Variants in GPRC6A observed in about 807,000 individuals in gnomAD.
The protein encoded by GPRC6A is G protein-coupled receptor class C group 6 member A.
Under a neutral mutation model 47.0 loss-of-function variants are expected in GPRC6A, and 54 were observed. That is an observed-to-expected ratio of 1.15 (90% CI 0.92 to 1.44). GPRC6A has a LOEUF of 1.44. GPRC6A is among the 40% of genes most tolerant of loss of function. GPRC6A has a pLI of 0.00. For missense variants in GPRC6A, 1,112 were observed against 1,105.5 expected (o/e 1.01, Z -0.08); for synonymous variants, 347 against 377.1 (o/e 0.92, Z 0.93).
chr6:116,823,499 C>G (rs908948661), intron 1 of GPRC6A, among the ~76,000 whole-genome samples: 2 of 152,100 alleles, frequency 1.3e-5, no homozygotes, highest in African/African-American at 2.4e-5. Flanking sequence ...TTTAACAAGT[C>G]TCTAGGAAGT....
chr6:116,793,443 G>C (rs1772383621), intron 5 of GPRC6A, among the ~76,000 whole-genome samples, 193 bp from the exon 6 acceptor site: 1 of 151,872 alleles, frequency 6.6e-6, no homozygotes, highest in Non-Finnish European at 1.5e-5. Context: ...GTAAAAGTGA[G>C]GAAAAAGGAA....
At chr6:116,826,505 A>T (rs1339714797) in intron 1 of GPRC6A, among the ~76,000 whole-genome samples, 1 of 152,004 alleles carries the variant, frequency 6.6e-6, no homozygotes, top group Non-Finnish European at 1.5e-5. Flanking sequence ...CCCAGTTAGA[A>T]TAGCTATTAC....
intron 1 of GPRC6A, among the ~76,000 whole-genome samples, chr6:116,822,648 G>T (rs1381320055): frequency 6.8e-6 from 1 of 147,126 alleles, no homozygotes; most frequent in East Asian, 2.0e-4. Flanking sequence ...ACTTATAGGT[G>T]GGAATTGAAC....
chr6:116,806,378 G>A lies in GPRC6A; in HGVS notation c.1327C>T (p.Pro443Ser), dbSNP rs140379054. The A allele has an allele frequency of 8.7e-6, 14 of 1,602,190 alleles. No individual in the cohort carries two copies. Among genetic ancestry groups the A allele is most frequent in the African/African-American group, 2.7e-5 (2 of 74,640 alleles). ...RDCQNPNAFQ[P>S]WELLGVLKNV... The stretch of plus-strand genomic sequence containing the variant: ...GATGTGTGAGTTAGTACCTCCCATG[G>A]TTGAAAGGCGTTGGGGTTCTGACAG... The change falls in exon 3 of 6, where the codon CCA becomes TCA. Residue 443 changes from proline (P) to serine (S), a missense_variant. By Grantham distance (74) the Pro-to-Ser change is moderately conservative. Transcript: ENST00000310357.
At chr6:116,809,724 G>T in intron 1 of GPRC6A, 107 bp from the exon 2 acceptor site, 1 of 686,468 alleles carries the variant, frequency 1.5e-6, no homozygotes, top group Non-Finnish European at 2.5e-6. Context: ...GATGAGTGAA[G>T]CTTATCTCTT....
chr6:116,818,808 A>G (rs1330230668), intron 1 of GPRC6A, among the ~76,000 whole-genome samples: 1 of 151,930 alleles, frequency 6.6e-6, no homozygotes, highest in Non-Finnish European at 1.5e-5. Context: ...ACTAACGAAC[A>G]AAATAACCAG....
chr6:116,828,822 A>C lies in GPRC6A; in HGVS notation c.192T>G (p.Val64=). The C allele has an allele frequency of 6.2e-7, 1 of 1,611,158 alleles. No individual in the cohort carries two copies. The highest frequency in any genetic ancestry group is 1.7e-5 in the Admixed American group (1 of 59,772). ...SPRRPQIQEC[V]GFEISVFLQT... ...CGTGTTTTTTGAGACTTACTCACCC[A>C]ACACACTCCTGGATTTGTGGTCGTC... Residue 64 remains valine (V), a splice_region_variant and synonymous_variant, in exon 1 of 6, where the codon GTT becomes GTG. Transcript: ENST00000310357.
chr6:116,802,281 A>C lies in GPRC6A; in HGVS notation c.1336-1485T>G, dbSNP rs934499086. 3.3e-5 allele frequency among the ~76,000 whole-genome samples: 5 copies of C among 152,284 alleles called. No homozygotes were observed. The South Asian group carries it at 8.3e-4, about 25-fold the overall frequency. ...AAATATAATAAAACATTTGCTTTGAAGTAAGGTTAATCTTAAACATTACCA... is the reference window on the plus strand; with the variant it reads ...AAATATAATAAAACATTTGCTTTGACGTAAGGTTAATCTTAAACATTACCA... On this transcript the variant is annotated intron_variant, in intron 3 of 5. Coordinates refer to ENST00000310357, the MANE Select transcript of GPRC6A (RefSeq NM_148963.4).
chr6:116,793,991 C>T (rs1296741094), intron 5 of GPRC6A, among the ~76,000 whole-genome samples: 1 of 152,194 alleles, frequency 6.6e-6, no homozygotes, highest in South Asian at 2.1e-4. Context: ...GCCTCTCACA[C>T]TGTAAGTGTT....
At position 116,806,758 on chromosome 6, in the gene GPRC6A, T is replaced by TTTAACA; in HGVS notation, c.946_947insTGTTAA (p.Pro315_Asn316insMetLeu). 1 of 1,613,652 alleles carries TTTAACA rather than the reference T, an allele frequency of 6.2e-7. No individual in the cohort carries two copies. The highest frequency in any genetic ancestry group is 2.2e-5 in the East Asian group (1 of 44,888). ...TACAACTTTGCCAATCTTTTTAACA[T>TTTAACA]TAGGAATGGTGGTAATCTTGGTGGC... is the stretch of plus-strand genomic sequence containing the variant. On this transcript the variant is annotated inframe_insertion, in exon 3 of 6. Coordinates refer to ENST00000310357, the MANE Select transcript of GPRC6A (RefSeq NM_148963.4).
intron 3 of GPRC6A, among the ~76,000 whole-genome samples, chr6:116,803,991 G>A (rs979002835): frequency 5.3e-5 from 8 of 151,904 alleles, no homozygotes; most frequent in African/African-American, 1.2e-4. Context: ...CCTGTTCTCC[G>A]TAATATCTTC....
intron 1 of GPRC6A, among the ~76,000 whole-genome samples, chr6:116,828,494 A>G (rs1479040886): frequency 2.6e-5 from 4 of 152,152 alleles, no homozygotes; most frequent in African/African-American, 4.8e-5. Flanking sequence ...ATAGAAATAC[A>G]TGTGGGTTAT....
intron 1 of GPRC6A, among the ~76,000 whole-genome samples, chr6:116,814,893 C>T (rs939975994): frequency 1.3e-5 from 2 of 152,178 alleles, no homozygotes; most frequent in South Asian, 2.1e-4. Flanking sequence ...AAAGATATCT[C>T]ATGCAAACAA....
intron 1 of GPRC6A, among the ~76,000 whole-genome samples, chr6:116,815,398 G>A (rs961166186): frequency 1.8e-4 from 27 of 152,154 alleles, no homozygotes; most frequent in African/African-American, 5.1e-4. Context: ...TGGAAGGATC[G>A]CTTGAACCCA....
At chr6:116,807,569 G>A (rs762914188) in intron 2 of GPRC6A, among the ~76,000 whole-genome samples, 1 of 152,186 alleles carries the variant, frequency 6.6e-6, no homozygotes, top group Admixed American at 6.5e-5. Flanking sequence ...TGGAACATCA[G>A]TGTGTGCAAA....
In GPRC6A at chr6:116,792,647, A is replaced by G. The variant is rs767813992; in HGVS notation, c.2276T>C (p.Ile759Thr). 1.1e-5 allele frequency: 17 copies of G among 1,613,518 alleles called. No homozygotes were observed. In the Admixed American group the frequency reaches 1.8e-4, roughly 17 times the overall value. The stretch of plus-strand genomic sequence containing the variant: ...GAAGCAAATGAAGGCCAGGATGGCA[A>G]TGTAGCCCAGCATGGTGCCAAATGC... The part of the protein sequence containing the change: ...ILAFGTMLGY[I>T]AILAFICFIF... The change falls in exon 6 of 6, where the codon ATT becomes ACT. Residue 759 changes from isoleucine (I) to threonine (T), a missense_variant. Transcript: ENST00000310357.
intron 2 of GPRC6A, among the ~76,000 whole-genome samples, chr6:116,807,722 C>T (rs1269611781): frequency 6.6e-6 from 1 of 152,096 alleles, no homozygotes; most frequent in Non-Finnish European, 1.5e-5. Context: ...TATATAGTCT[C>T]TGTCATATCT....
chr6:116,794,681 A>G (rs930086093), intron 5 of GPRC6A, among the ~76,000 whole-genome samples: 2 of 152,172 alleles, frequency 1.3e-5, no homozygotes, highest in Non-Finnish European at 2.9e-5. Flanking sequence ...CTCGCTAATT[A>G]TCTAATTTTT....
In GPRC6A at chr6:116,812,827, G is replaced by T. The variant is rs554875152; in HGVS notation, c.195-3210C>A. 7.9e-5 allele frequency among the ~76,000 whole-genome samples: 12 copies of T among 152,274 alleles called. No individual in the cohort carries two copies. In the South Asian group the frequency reaches 2.5e-3, roughly 32 times the overall value. On this transcript the variant is annotated intron_variant, in intron 1 of 5. Transcript: ENST00000310357. ...ATGAGGAAGTTAAATTGTCCCTGTT[G>T]GCAGATGACATGACTGTATGTTTAG... is the stretch of plus-strand genomic sequence containing the variant.
Sources: gnomAD v4.1 joint callset for allele counts (sites outside exome capture counted in the v4.1 genomes callset) on GRCh38, gnomAD v4.1.1 for gene constraint, MANE v1.5 for transcripts, NCBI Gene and HGNC (gene_info 2026-07-23, HGNC 2026-07-21) for gene names.